The following MYO3B variants were observed in gnomAD, a reference collection of about 807,000 sequenced individuals.
The protein encoded by MYO3B is myosin-IIIb.
Under a neutral mutation model 174.6 loss-of-function variants are expected in MYO3B, and 156 were observed. The ratio of observed to expected loss-of-function variants is 0.89; its 90% CI spans 0.78 to 1.02. MYO3B has a LOEUF of 1.02. Ranked by LOEUF, MYO3B falls within the 50% of genes least tolerant of loss-of-function variation. The pLI is 0.00. For synonymous variants in MYO3B, 563 were observed against 569.1 expected (o/e 0.99, Z 0.15); for missense variants, 1,632 against 1,639.4 (o/e 1.00, Z 0.08).
intron 6 of MYO3B, among the ~76,000 whole-genome samples, chr2:170,219,168 T>C (rs1415215646): frequency 6.6e-6 from 1 of 152,224 alleles, no homozygotes; most frequent in Non-Finnish European, 1.5e-5. Context: ...CCTAATCCCT[T>C]GCCCACATTG....
chr2:170,396,288 C>T (rs2094441757), intron 16 of MYO3B, among the ~76,000 whole-genome samples: 1 of 152,208 alleles, frequency 6.6e-6, no homozygotes, highest in African/African-American at 2.4e-5. Flanking sequence ...CCTTCCCTGG[C>T]TGTCTGTTGG....
chr2:170,237,550 T>G (rs2093085274), intron 7 of MYO3B, among the ~76,000 whole-genome samples: 6 of 149,754 alleles, frequency 4.0e-5, no homozygotes, highest in Admixed American at 2.7e-4. Flanking sequence ...GAGGGGGGTG[T>G]ATATGTTTAA....
At chr2:170,482,247 C>T (rs1323490676) in intron 25 of MYO3B, among the ~76,000 whole-genome samples, 1 of 152,080 alleles carries the variant, frequency 6.6e-6, no homozygotes, top group Non-Finnish European at 1.5e-5. Context: ...CCTCTCCCTC[C>T]AGATTCAAGT....
At chr2:170,646,379 T>C (rs935080383) in intron 32 of MYO3B, among the ~76,000 whole-genome samples, 30 of 152,108 alleles carry the variant, frequency 2.0e-4, no homozygotes, top group African/African-American at 4.6e-4. Flanking sequence ...TGCTTAGTTC[T>C]GGGGGTTTTT....
chr2:170,421,256 C>A (rs925964380), intron 22 of MYO3B, among the ~76,000 whole-genome samples: 11 of 152,186 alleles, frequency 7.2e-5, no homozygotes, highest in African/African-American at 2.7e-4. Flanking sequence ...GAAGGCGCTC[C>A]ATTCAGAACT....
chr2:170,619,348 T>C (rs969362092), intron 32 of MYO3B, among the ~76,000 whole-genome samples: 2 of 152,224 alleles, frequency 1.3e-5, no homozygotes, highest in African/African-American at 4.8e-5. Context: ...CAGTCCAACC[T>C]GGCATTGTCT....
chr2:170,285,805 A>ATT (rs35953791), intron 7 of MYO3B, among the ~76,000 whole-genome samples: 234 of 146,896 alleles, frequency 1.6e-3, no homozygotes, highest in East Asian at 3.3e-3. Flanking sequence ...ATAATGTTGT[A>ATT]TTTTTTTTTT....
At chr2:170,407,887 C>G in intron 22 of MYO3B, 43 bp downstream of exon 22, 1 of 1,609,192 alleles carries the variant, frequency 6.2e-7, no homozygotes, top group South Asian at 1.1e-5. Context: ...AAAGCTTTTG[C>G]AAGACCAGGT....
rs187001955 is a variant in MYO3B at position 170,328,145 on chromosome 2, G to T, written c.750-7240G>T. Among the ~76,000 whole-genome samples the T allele has an allele frequency of 2.1e-3, 314 of 152,060 alleles. 1 individual carries two copies. The highest frequency in any genetic ancestry group is 7.5e-3 in the African/African-American group (309 of 41,470). ...TTGAACTCTTGAGCTGAAGTGATCT[G>T]CCCGCCTCAGCCTCTCAAAGTGCTA... On this transcript the variant is annotated intron_variant, in intron 7 of 34. Coordinates refer to ENST00000408978, the MANE Select transcript of MYO3B (RefSeq NM_138995.5).
intron 7 of MYO3B, among the ~76,000 whole-genome samples, chr2:170,247,496 C>T (rs557807076): frequency 9.2e-5 from 14 of 152,306 alleles, no homozygotes; most frequent in South Asian, 4.2e-4. Flanking sequence ...ATCAAGGTTT[C>T]GTTCTTTATC....
chr2:170,640,676 A>G (rs956139771), intron 32 of MYO3B: 12 of 152,204 alleles, frequency 7.9e-5, no homozygotes, highest in African/African-American at 2.7e-4. Context: ...TGGTGCTAGT[A>G]TGTCTTAAAT....
At chr2:170,225,305 A>G (rs1021093694) in intron 6 of MYO3B, among the ~76,000 whole-genome samples, 1 of 152,242 alleles carries the variant, frequency 6.6e-6, no homozygotes, top group Non-Finnish European at 1.5e-5. Flanking sequence ...TTATTAGGTG[A>G]TGCCACCAGA....
chr2:170,613,180 C>T (rs930150138), intron 32 of MYO3B, among the ~76,000 whole-genome samples: 1 of 152,190 alleles, frequency 6.6e-6, no homozygotes, highest in Non-Finnish European at 1.5e-5. Flanking sequence ...TAATCTCACT[C>T]ACTCTCAGCA....
At chr2:170,242,878 C>CTT (rs2093149972) in intron 7 of MYO3B, among the ~76,000 whole-genome samples, 2 of 152,030 alleles carry the variant, frequency 1.3e-5, no homozygotes, top group Admixed American at 6.6e-5. Flanking sequence ...GTTGAGGCAC[C>CTT]CTGGTTTCCT....
intron 25 of MYO3B, among the ~76,000 whole-genome samples, chr2:170,489,808 TTA>T (rs72194957): frequency 0.13 from 20,351 of 152,076 alleles, 1,677 homozygotes; most frequent in Non-Finnish European, 0.18. Flanking sequence ...TCCACCCACA[TTA>T]TAGAGGGTAA....
chr2:170,273,868 A>T (rs535830100), intron 7 of MYO3B, among the ~76,000 whole-genome samples: 41 of 152,220 alleles, frequency 2.7e-4, no homozygotes, highest in African/African-American at 9.6e-4. Context: ...CCTGGCTATT[A>T]ATGAGAGGCC....
intron 32 of MYO3B, among the ~76,000 whole-genome samples, chr2:170,632,685 G>C (rs980303312): frequency 6.6e-6 from 1 of 152,178 alleles, no homozygotes; most frequent in East Asian, 1.9e-4. Context: ...AAAAACCAAC[G>C]AATCCAGGAG....
chr2:170,388,818 C>T (rs1574898725), intron 14 of MYO3B, among the ~76,000 whole-genome samples: 1 of 152,212 alleles, frequency 6.6e-6, no homozygotes, highest in South Asian at 2.1e-4. Context: ...AAAACCCAAG[C>T]ATCTTCCTCT....
At chr2:170,526,315 G>T (rs1688994535) in intron 30 of MYO3B, among the ~76,000 whole-genome samples, 1 of 152,314 alleles carries the variant, frequency 6.6e-6, no homozygotes. Context: ...GCAAGCTGTT[G>T]TGGGTCATGG....
Sources: allele counts gnomAD v4.1 joint callset (sites outside exome capture counted in the v4.1 genomes callset), GRCh38; gene constraint gnomAD v4.1.1; transcripts MANE v1.5; gene names NCBI Gene and HGNC (gene_info 2026-07-23, HGNC 2026-07-21).